HMGCLL1: variants seen among roughly 807,000 people sequenced by gnomAD.
HMGCLL1 encodes the protein 3-hydroxy-3-methylglutaryl-CoA lyase like 1, also known as 3-hydroxymethyl-3-methylglutaryl-CoA lyase, cytoplasmic.
HMGCLL1 carries 36 observed loss-of-function variants against 39.1 expected under a neutral mutation model. The observed-to-expected ratio is 0.92, with a 90% CI of 0.71 to 1.22. The LOEUF is 1.22. Among genes scored for constraint, HMGCLL1 ranks in the 50% most tolerant of loss-of-function variants. HMGCLL1 has a pLI of 0.00. For missense variants in HMGCLL1, 451 were observed against 416.5 expected, an observed-to-expected ratio of 1.08 and a Z score of -0.72; for synonymous variants, 149 against 144.0, an observed-to-expected ratio of 1.03 and a Z score of -0.25.
At chr6:55,621,235 T>C in the HMGCLL1 span, among the ~76,000 whole-genome samples, 2 of 152,280 alleles carry the variant, frequency 1.3e-5, no homozygotes, top group East Asian at 1.9e-4. Context: ...TTTAACAACA[T>C]TGATTATTCC....
intron 1 of HMGCLL1, among the ~76,000 whole-genome samples, chr6:55,559,270 GT>G (rs1770821274): frequency 6.6e-6 from 1 of 152,110 alleles, no homozygotes; most frequent in African/African-American, 2.4e-5. Context: ...GCCCAAATTT[GT>G]TTGTTTCTAA....
chr6:55,488,940 T>C (rs998412038), intron 7 of HMGCLL1, among the ~76,000 whole-genome samples: 1 of 152,030 alleles, frequency 6.6e-6, no homozygotes, highest in Admixed American at 6.6e-5. Flanking sequence ...TATCAGTGCT[T>C]CTAATTGTGT....
chr6:55,641,630 A>G, the HMGCLL1 span, among the ~76,000 whole-genome samples: 8,320 of 151,988 alleles, frequency 0.055, 384 homozygotes, highest in Non-Finnish European at 0.077. Context: ...ACTGGAATAG[A>G]GAGTAGGGAA....
At chr6:55,673,259 A>T in the HMGCLL1 span, among the ~76,000 whole-genome samples, 1 of 151,986 alleles carries the variant, frequency 6.6e-6, no homozygotes, top group Non-Finnish European at 1.5e-5. Context: ...ATCCAGCTAT[A>T]CTTAGCCTAT....
chr6:55,498,934 G>A (rs1467365256), intron 6 of HMGCLL1, among the ~76,000 whole-genome samples: 2 of 151,952 alleles, frequency 1.3e-5, no homozygotes, highest in African/African-American at 4.8e-5. Flanking sequence ...GATGGAGATT[G>A]GAAAGGCCAC....
At chr6:55,611,955 G>A in the HMGCLL1 span, among the ~76,000 whole-genome samples, 4 of 152,024 alleles carry the variant, frequency 2.6e-5, no homozygotes, top group South Asian at 2.1e-4. Context: ...TCCTGGCCAG[G>A]GCAATCAGGC....
intron 8 of HMGCLL1, among the ~76,000 whole-genome samples, chr6:55,436,796 C>T (rs1199934225): frequency 1.3e-5 from 2 of 151,916 alleles, no homozygotes; most frequent in African/African-American, 4.8e-5. Context: ...TTACTTATCT[C>T]TTTAAGAATT....
the HMGCLL1 span, among the ~76,000 whole-genome samples, chr6:55,608,922 C>T: frequency 6.0e-4 from 92 of 152,278 alleles, no homozygotes; most frequent in African/African-American, 2.0e-3. Context: ...GTGTGACCCA[C>T]GGAGAGGAGA....
At chr6:55,626,690 T>A in the HMGCLL1 span, among the ~76,000 whole-genome samples, 1 of 152,046 alleles carries the variant, frequency 6.6e-6, no homozygotes, top group South Asian at 2.1e-4. Context: ...TATGTTCTGC[T>A]GGCCTAAGTT....
chr6:55,649,171 C>T, the HMGCLL1 span, among the ~76,000 whole-genome samples: 58 of 152,146 alleles, frequency 3.8e-4, 2 homozygotes, highest in South Asian at 0.012. Context: ...TTACTATTAC[C>T]AGTGAGTTTT....
At chr6:55,572,698 TA>T (rs1240532251) in intron 1 of HMGCLL1, among the ~76,000 whole-genome samples, 1 of 152,206 alleles carries the variant, frequency 6.6e-6, no homozygotes, top group African/African-American at 2.4e-5. Context: ...TAAATGAATA[TA>T]TTTTTACAAT....
rs72051533 is a variant in HMGCLL1 at position 55,549,767 on chromosome 6, CT to C, written c.109-7628del. Reference sequence around the variant, plus strand: ...TATAAAAAGCAATCAAATTTCATTACTTTTTTTTTGTTATGCCATATTGATT... The same window carrying C: ...TATAAAAAGCAATCAAATTTCATTACTTTTTTTTGTTATGCCATATTGATT... On this transcript the variant is annotated intron_variant, in intron 1 of 8. Transcript: ENST00000274901. 9.7e-3 allele frequency among the ~76,000 whole-genome samples: 1,470 copies of C among 150,970 alleles called. 46 individuals are homozygous for C. The highest frequency in any genetic ancestry group is 0.033 in the African/African-American group (1,338 of 41,066).
intron 1 of HMGCLL1, among the ~76,000 whole-genome samples, chr6:55,577,840 G>A (rs911494643): frequency 2.0e-5 from 3 of 152,164 alleles, no homozygotes; most frequent in African/African-American, 4.8e-5. Context: ...GAAGATAAAG[G>A]ATAACTTTTC....
the HMGCLL1 span, among the ~76,000 whole-genome samples, chr6:55,596,260 G>A: frequency 6.6e-6 from 1 of 152,158 alleles, no homozygotes; most frequent in Non-Finnish European, 1.5e-5. Flanking sequence ...CCGGGAGGTG[G>A]AGGTTACAGA....
At chr6:55,562,755 G>C (rs1771011470) in intron 1 of HMGCLL1, among the ~76,000 whole-genome samples, 2 of 152,198 alleles carry the variant, frequency 1.3e-5, no homozygotes, top group South Asian at 4.1e-4. Flanking sequence ...TGATGAAACA[G>C]TGCAGGATAG....
chr6:55,650,860 T>A, the HMGCLL1 span, among the ~76,000 whole-genome samples: 3 of 151,958 alleles, frequency 2.0e-5, no homozygotes, highest in Non-Finnish European at 4.4e-5. Flanking sequence ...CCACCACGAA[T>A]TTTTACTTAA....
chr6:55,597,814 T>A, the HMGCLL1 span, among the ~76,000 whole-genome samples: 104 of 152,264 alleles, frequency 6.8e-4, 1 homozygote, highest in Middle Eastern at 6.8e-3. Context: ...AGTAAATCAC[T>A]TTAAACTGAA....
chr6:55,434,546 T>G lies in HMGCLL1; in HGVS notation c.*1116A>C, dbSNP rs1763297526. 1 of 152,100 alleles carries G rather than the reference T, an allele frequency of 6.6e-6. No individual in the cohort carries two copies. The highest frequency in any genetic ancestry group is 6.6e-5 in the Admixed American group (1 of 15,226). 9.4% of individuals were successfully genotyped at this position (152,100 alleles called of 1,614,324 possible). Reference sequence around the variant, plus strand: ...AGAACTGACATTTCAGATCCATTTGTAATAATACTGCCCCCATAAAATATG... The same window carrying G: ...AGAACTGACATTTCAGATCCATTTGGAATAATACTGCCCCCATAAAATATG... On this transcript the variant is annotated 3_prime_UTR_variant, in exon 9 of 9. Transcript: ENST00000274901.
chr6:55,621,348 G>T, the HMGCLL1 span, among the ~76,000 whole-genome samples: 1 of 152,050 alleles, frequency 6.6e-6, no homozygotes, highest in East Asian at 1.9e-4. Flanking sequence ...ATGGATGGGA[G>T]CCATGGCCTG....
Sources: allele counts gnomAD v4.1 joint callset (sites outside exome capture counted in the v4.1 genomes callset), GRCh38; gene constraint gnomAD v4.1.1; transcripts MANE v1.5; gene names NCBI Gene and HGNC (gene_info 2026-07-23, HGNC 2026-07-21).